Variants in CIMAP3 observed in about 807,000 individuals in gnomAD.
The protein encoded by CIMAP3 is ciliary microtubule-associated protein 3.
the CIMAP3 span, among the ~76,000 whole-genome samples, chr1:111,340,353 A>G: frequency 1.3e-5 from 2 of 152,066 alleles, no homozygotes; most frequent in African/African-American, 4.8e-5. Context: ...AAAATTGACA[A>G]ATGGGATCTA....
At chr1:111,325,036 A>G in the CIMAP3 span, 7 of 373,390 alleles carry the variant, frequency 1.9e-5, no homozygotes, top group African/African-American at 6.6e-5. Flanking sequence ...TGTTCCACTC[A>G]CCAAATTATT....
the CIMAP3 span, among the ~76,000 whole-genome samples, chr1:111,348,107 C>T: frequency 1.6e-4 from 25 of 152,292 alleles, 1 homozygote; most frequent in South Asian, 5.0e-3. Context: ...CAAATTCCAA[C>T]TTTTCCACCC....
the CIMAP3 span, among the ~76,000 whole-genome samples, chr1:111,333,029 A>G: frequency 6.6e-6 from 1 of 152,178 alleles, no homozygotes; most frequent in Non-Finnish European, 1.5e-5. Flanking sequence ...AGGGCATCTC[A>G]GGGCTGTTTT....
At chr1:111,351,455 G>A in the CIMAP3 span, 1 of 708,936 alleles carries the variant, frequency 1.4e-6, no homozygotes, top group Non-Finnish European at 2.3e-6. Flanking sequence ...GGGAGGGACA[G>A]GGGCTTATAG....
chr1:111,333,371 G>A, the CIMAP3 span, among the ~76,000 whole-genome samples: 1 of 152,292 alleles, frequency 6.6e-6, no homozygotes, highest in Non-Finnish European at 1.5e-5. Flanking sequence ...TTGGCCCCCA[G>A]AGGAGGAAGC....
At chr1:111,325,904 T>G in the CIMAP3 span, among the ~76,000 whole-genome samples, 2 of 152,140 alleles carry the variant, frequency 1.3e-5, no homozygotes, top group Admixed American at 1.3e-4. Flanking sequence ...CACTCCAGAT[T>G]TACCAATTTC....
the CIMAP3 span, among the ~76,000 whole-genome samples, chr1:111,350,736 C>T: frequency 6.6e-6 from 1 of 152,156 alleles, no homozygotes; most frequent in Non-Finnish European, 1.5e-5. Context: ...CTTTTCTAAG[C>T]CTCAGTTTTT....
chr1:111,336,815 G>A, the CIMAP3 span, among the ~76,000 whole-genome samples: 3 of 152,068 alleles, frequency 2.0e-5, no homozygotes, highest in African/African-American at 7.3e-5. Flanking sequence ...TAGCAAGGCA[G>A]GCCAACATTC....
chr1:111,340,967 A>T, the CIMAP3 span, among the ~76,000 whole-genome samples: 3 of 151,924 alleles, frequency 2.0e-5, no homozygotes, highest in South Asian at 4.2e-4. Context: ...CAAATGTCCA[A>T]CAATGATAGA....
At chr1:111,346,304 C>A in the CIMAP3 span, 1 of 212,152 alleles carries the variant, frequency 4.7e-6, no homozygotes, top group Non-Finnish European at 9.5e-6. Context: ...TTGCTGGTGG[C>A]CCAGACTTCG....
chr1:111,338,095 T>C, the CIMAP3 span, among the ~76,000 whole-genome samples: 26 of 149,926 alleles, frequency 1.7e-4, no homozygotes, highest in Non-Finnish European at 2.8e-4. Flanking sequence ...CCTGAATGAC[T>C]ACTGGGTACA....
the CIMAP3 span, among the ~76,000 whole-genome samples, chr1:111,350,533 G>A: frequency 9.1e-4 from 139 of 152,274 alleles, no homozygotes; most frequent in Admixed American, 1.3e-3. Flanking sequence ...TAAGTGATTT[G>A]TGCAGGTTTC....
the CIMAP3 span, among the ~76,000 whole-genome samples, chr1:111,345,026 G>T: frequency 6.6e-6 from 1 of 152,168 alleles, no homozygotes; most frequent in East Asian, 1.9e-4. Context: ...TGCTGTACAG[G>T]TTTGTAGCCT....
the CIMAP3 span, chr1:111,348,310 A>G: frequency 1.8e-5 from 8 of 433,814 alleles, no homozygotes; most frequent in Admixed American, 1.6e-4. Context: ...TCTACAACCT[A>G]TATATTACGT....
At chr1:111,340,215 T>C in the CIMAP3 span, among the ~76,000 whole-genome samples, 1 of 151,858 alleles carries the variant, frequency 6.6e-6, no homozygotes, top group Non-Finnish European at 1.5e-5. Context: ...TCAAGATGGA[T>C]TAAAGACTTA....
chr1:111,344,323 C>T, the CIMAP3 span, among the ~76,000 whole-genome samples: 5 of 152,176 alleles, frequency 3.3e-5, no homozygotes, highest in African/African-American at 1.2e-4. Flanking sequence ...GAAGTTCTGA[C>T]TTAAACTTCA....
the CIMAP3 span, among the ~76,000 whole-genome samples, chr1:111,333,122 T>C: frequency 1.3e-5 from 2 of 152,146 alleles, no homozygotes; most frequent in South Asian, 4.1e-4. Context: ...TCTCTCCTGT[T>C]TGGGGAAGGG....
the CIMAP3 span, among the ~76,000 whole-genome samples, chr1:111,330,623 G>A: frequency 1.3e-5 from 2 of 152,316 alleles, no homozygotes; most frequent in Non-Finnish European, 2.9e-5. Flanking sequence ...TCCCACTTCA[G>A]TGCTGGCCAT....
chr1:111,332,100 T>C, the CIMAP3 span, among the ~76,000 whole-genome samples: 2 of 152,200 alleles, frequency 1.3e-5, no homozygotes, highest in African/African-American at 4.8e-5. Flanking sequence ...ATAGGGTGGG[T>C]TGGCCAACTT....
Sources: allele counts gnomAD v4.1 joint callset (sites outside exome capture counted in the v4.1 genomes callset), GRCh38; gene constraint gnomAD v4.1.1; transcripts MANE v1.5; gene names NCBI Gene and HGNC (gene_info 2026-07-23, HGNC 2026-07-21).